Variants in ANK1 observed in about 807,000 individuals in gnomAD.
ANK1 encodes the protein ankyrin-1.
Under a neutral mutation model 210.4 loss-of-function variants are expected in ANK1, and 51 were observed. That is an observed-to-expected ratio of 0.24 (90% CI 0.19 to 0.31). ANK1 has a LOEUF of 0.31. Ranked by LOEUF, ANK1 falls within the 10% of genes least tolerant of loss-of-function variation. The pLI, the probability that ANK1 is intolerant of heterozygous loss-of-function variation, is 1.00. For missense variants in ANK1, 2,051 were observed against 2,504.4 expected (o/e 0.82, Z 3.86); for synonymous variants, 967 against 1,025.9 (o/e 0.94, Z 1.10).
intron 37 of ANK1, 152 bp from the exon 38 acceptor site, chr8:41,673,064 C>G (rs973035607): frequency 1.2e-6 from 1 of 845,772 alleles, no homozygotes; most frequent in Non-Finnish European, 1.9e-6. Flanking sequence ...TTTCCAAGCT[C>G]CAGGCCCAAT....
intron 1 of ANK1, among the ~76,000 whole-genome samples, chr8:41,802,991 A>G (rs1247729742): frequency 4.3e-5 from 3 of 69,712 alleles, no homozygotes; most frequent in Admixed American, 1.6e-4. Context: ...GAAAGAGAGA[A>G]AGAGAGAAAG....
rs1804332780 is a variant in ANK1 at position 41,821,945 on chromosome 8, G to A, written c.127-63808C>T. Among the ~76,000 whole-genome samples, 3 of 151,940 alleles carry A rather than the reference G, an allele frequency of 2.0e-5. No individual in the cohort carries two copies. The South Asian group carries it at 6.2e-4, about 32-fold the overall frequency. On this transcript the variant is annotated intron_variant, in intron 1 of 42. Transcript: ENST00000265709. ...CACTCCTGTAATCCCAGCTACGCCG[G>A]AGGCTGAGGCAAGAGAATCGCTTGA...
intron 1 of ANK1, among the ~76,000 whole-genome samples, chr8:41,892,193 G>A (rs1471448905): frequency 6.8e-6 from 1 of 146,612 alleles, no homozygotes. Context: ...CCCACCTCCA[G>A]ACCCACCAAG....
intron 1 of ANK1, among the ~76,000 whole-genome samples, chr8:41,843,856 T>C (rs1488321004): frequency 6.6e-6 from 1 of 152,114 alleles, no homozygotes; most frequent in Non-Finnish European, 1.5e-5. Flanking sequence ...TCCATAAATC[T>C]CATGCCATGA....
exon 1 of ANK1, chr8:41,896,520 T>C (rs1277832433): frequency 7.7e-6 from 12 of 1,559,158 alleles, no homozygotes; most frequent in East Asian, 2.4e-5. Flanking sequence ...CCTGGACCCC[T>C]AGCGCTCAGC....
In ANK1 at chr8:41,655,176, C is replaced by G. The variant is rs1805247823; in HGVS notation, c.*614G>C. On this transcript the variant is annotated 3_prime_UTR_variant, in exon 43 of 43. Coordinates refer to ENST00000289734, the MANE Select transcript of ANK1 (RefSeq NM_000037.4). Reference sequence around the variant, plus strand: ...TGTCCTGAATGTCATGTAGAGCGATCTGGGAGGAGCGTCACCAGGGAGTCG... The same window carrying G: ...TGTCCTGAATGTCATGTAGAGCGATGTGGGAGGAGCGTCACCAGGGAGTCG... The G allele has an allele frequency of 6.7e-6, 1 of 149,036 alleles. No individual in the cohort carries two copies. Among genetic ancestry groups the G allele is most frequent in the Non-Finnish European group, 1.5e-5 (1 of 68,734 alleles). The allele number at this position is 149,036 out of a possible 1,614,324, so 9.2% of individuals were successfully genotyped here.
At chr8:41,773,068 C>G (rs1001888207) in intron 1 of ANK1, among the ~76,000 whole-genome samples, 1 of 152,182 alleles carries the variant, frequency 6.6e-6, no homozygotes, top group African/African-American at 2.4e-5. Flanking sequence ...CCCCCTAAAC[C>G]TGGTCATTCC....
chr8:41,703,660 A>C (rs1823716156), intron 20 of ANK1, among the ~76,000 whole-genome samples: 1 of 150,994 alleles, frequency 6.6e-6, no homozygotes, highest in South Asian at 2.1e-4. Context: ...ATAATTAAAA[A>C]AATTTTTTTT....
At chr8:41,845,627 C>T (rs1436014375) in intron 1 of ANK1, among the ~76,000 whole-genome samples, 2 of 152,062 alleles carry the variant, frequency 1.3e-5, no homozygotes, top group African/African-American at 4.8e-5. Flanking sequence ...GCTGCAGTTG[C>T]ACCCACTCTG....
At chr8:41,783,339 C>T (rs1845705246) in intron 1 of ANK1, among the ~76,000 whole-genome samples, 1 of 152,198 alleles carries the variant, frequency 6.6e-6, no homozygotes, top group Non-Finnish European at 1.5e-5. Context: ...AGTTCTTTCT[C>T]ATCTCAAGTT....
upstream of ANK1, among the ~76,000 whole-genome samples, chr8:41,799,003 C>G (rs906719689): frequency 1.3e-5 from 2 of 152,010 alleles, no homozygotes; most frequent in African/African-American, 4.8e-5. Flanking sequence ...GCAGCTGGAG[C>G]GCACCCCATG....
chr8:41,765,173 C>CCTTT (rs34701042), intron 1 of ANK1, among the ~76,000 whole-genome samples: 22,336 of 147,534 alleles, frequency 0.15, 1,795 homozygotes, highest in African/African-American at 0.19. Flanking sequence ...CCTTTCTTTT[C>CCTTT]CTTTCTTTCT....
chr8:41,825,736 G>T (rs1347797314), intron 1 of ANK1, among the ~76,000 whole-genome samples: 1 of 152,202 alleles, frequency 6.6e-6, no homozygotes, highest in East Asian at 1.9e-4. Context: ...GGGACCCGGT[G>T]GGAGGTATTG....
At chr8:41,659,137 C>T (rs752176160) in intron 42 of ANK1, among the ~76,000 whole-genome samples, 1 of 152,234 alleles carries the variant, frequency 6.6e-6, no homozygotes, top group Non-Finnish European at 1.5e-5. Flanking sequence ...ACCACAAGCA[C>T]TCTAACTCAT....
At chr8:41,814,814 G>A (rs1217056904) in intron 1 of ANK1, among the ~76,000 whole-genome samples, 1 of 151,566 alleles carries the variant, frequency 6.6e-6, no homozygotes, top group East Asian at 1.9e-4. Flanking sequence ...GAACTTAGCA[G>A]ATTTCTAGGA....
chr8:41,799,331 G>T (rs1849489726), upstream of ANK1, among the ~76,000 whole-genome samples: 1 of 152,164 alleles, frequency 6.6e-6, no homozygotes, highest in Non-Finnish European at 1.5e-5. Flanking sequence ...GGGCAGCGTG[G>T]CATGCACCCC....
chr8:41,751,795 G>C (rs2150702965), intron 2 of ANK1, among the ~76,000 whole-genome samples: 1 of 152,194 alleles, frequency 6.6e-6, no homozygotes, highest in South Asian at 2.1e-4. Context: ...ACAGCAGCGA[G>C]GGCAATTGTT....
At position 41,672,893 on chromosome 8, in the gene ANK1, G is replaced by A. The variant is rs769132857; in HGVS notation, c.4557C>T (p.Asp1519=). The A allele has an allele frequency of 1.3e-5, 21 of 1,602,460 alleles. No individual in the cohort carries two copies. Among genetic ancestry groups the A allele is most frequent in the South Asian group, 9.9e-5 (9 of 90,974 alleles). Residue 1519 remains aspartate (D), a synonymous_variant, in exon 38 of 43, where the codon GAC becomes GAT. Coordinates refer to ENST00000289734, the MANE Select transcript of ANK1 (RefSeq NM_000037.4). ...SQMNGYSSLQ[D]ELLSPASLGC... ...CCAGGGAGGCAGGGGACAGCAGCTC[G>A]TCCTGCAGTGAGGAGTAACCTGGAT...
At chr8:41,695,004 C>T (rs556707150) in intron 27 of ANK1, among the ~76,000 whole-genome samples, 173 bp downstream of exon 27, 41 of 152,316 alleles carry the variant, frequency 2.7e-4, no homozygotes, top group Middle Eastern at 3.4e-3. Context: ...TGCAGGCAGC[C>T]GCTGAGCATC....
Sources: allele counts gnomAD v4.1 joint callset (sites outside exome capture counted in the v4.1 genomes callset), GRCh38; gene constraint gnomAD v4.1.1; transcripts MANE v1.5; gene names NCBI Gene and HGNC (gene_info 2026-07-23, HGNC 2026-07-21).